Variants in ROBO2 observed in about 807,000 individuals in gnomAD.
ROBO2 encodes the protein roundabout homolog 2.
A neutral mutation model predicts 160.8 loss-of-function variants in ROBO2; 53 were observed. That is an observed-to-expected ratio of 0.33 (90% CI 0.26 to 0.41). ROBO2 has a LOEUF of 0.41. Among genes scored for constraint, ROBO2 ranks in the 10% least tolerant of loss-of-function variants. ROBO2 has a pLI of 1.00. For synonymous variants in ROBO2, 664 were observed against 611.7 expected (o/e 1.09, Z -1.26); for missense variants, 1,577 against 1,722.4 (o/e 0.92, Z 1.49).
intron 2 of ROBO2, among the ~76,000 whole-genome samples, chr3:76,164,769 C>G (rs1001098343): frequency 2.0e-5 from 3 of 152,224 alleles, no homozygotes; most frequent in Admixed American, 6.5e-5. Flanking sequence ...TTTAAGGGCC[C>G]TAGGGTCTTT....
intron 2 of ROBO2, among the ~76,000 whole-genome samples, chr3:76,322,843 T>G (rs774340853): frequency 6.6e-6 from 1 of 152,180 alleles, no homozygotes; most frequent in East Asian, 1.9e-4. Context: ...GCAGATACAT[T>G]TAAAGGCAAT....
chr3:76,806,963 A>T (rs2064775195), intron 2 of ROBO2, among the ~76,000 whole-genome samples: 1 of 152,024 alleles, frequency 6.6e-6, no homozygotes, highest in African/African-American at 2.4e-5. Flanking sequence ...AGTTTTTATG[A>T]TGGATTAATG....
intron 2 of ROBO2, among the ~76,000 whole-genome samples, chr3:77,231,050 G>A (rs1165915685): frequency 1.3e-5 from 2 of 151,706 alleles, no homozygotes; most frequent in Non-Finnish European, 2.9e-5. Context: ...TTAGAACTGG[G>A]ATCTACTTTC....
At chr3:77,522,984 TA>T in intron 6 of ROBO2, 82 bp downstream of exon 6, 1 of 1,510,592 alleles carries the variant, frequency 6.6e-7, no homozygotes, top group East Asian at 2.3e-5. Flanking sequence ...ACGATCAAAA[TA>T]ATGAATTATG....
chr3:77,449,072 G>A (rs987333249), intron 2 of ROBO2, among the ~76,000 whole-genome samples: 9 of 152,000 alleles, frequency 5.9e-5, no homozygotes, highest in Non-Finnish European at 1.2e-4. Flanking sequence ...AGCATACTGA[G>A]TATTCAATTA....
chr3:76,523,937 A>G (rs1331531429), intron 2 of ROBO2, among the ~76,000 whole-genome samples: 1 of 151,876 alleles, frequency 6.6e-6, no homozygotes, highest in African/African-American at 2.4e-5. Context: ...TTTCAAGTGA[A>G]TGAAAATGGG....
chr3:76,676,729 A>T (rs1438793645), intron 2 of ROBO2, among the ~76,000 whole-genome samples: 4 of 152,168 alleles, frequency 2.6e-5, no homozygotes, highest in African/African-American at 9.6e-5. Context: ...TACACATGGA[A>T]ACATGCATAT....
At position 76,744,758 on chromosome 3, in the gene ROBO2, A is replaced by T. The variant is rs185550769; in HGVS notation, c.110-353256A>T. ...GAGTTTTAACATAAACTTAAAAAAA[A>T]TCTACTAAAAACTCAAATTTAAATA... is the stretch of plus-strand genomic sequence containing the variant. On this transcript the variant is annotated intron_variant, in intron 2 of 26. Coordinates refer to the ROBO2 transcript ENST00000487694. 7.4e-3 allele frequency among the ~76,000 whole-genome samples: 992 copies of T among 134,152 alleles called. 6 individuals carry two copies. Among genetic ancestry groups the T allele is most frequent in the Middle Eastern group, 0.025 (7 of 278 alleles). 88.0% of individuals were successfully genotyped at this position (134,152 alleles called of 152,430 possible).
At chr3:77,631,173 C>G (rs977890550) in intron 23 of ROBO2, 3 of 151,790 alleles carry the variant, frequency 2.0e-5, no homozygotes, top group African/African-American at 7.3e-5. Flanking sequence ...TTTTGGCAAC[C>G]AGAATCAAAA....
intron 2 of ROBO2, among the ~76,000 whole-genome samples, chr3:76,155,570 G>A (rs544172557): frequency 6.6e-6 from 1 of 152,172 alleles, no homozygotes; most frequent in Non-Finnish European, 1.5e-5. Flanking sequence ...AACAGGGGCT[G>A]CTTTTGGAGG....
chr3:76,582,593 A>T (rs1185048163), intron 2 of ROBO2, among the ~76,000 whole-genome samples: 1 of 152,206 alleles, frequency 6.6e-6, no homozygotes, highest in Non-Finnish European at 1.5e-5. Flanking sequence ...ATACCAGAAC[A>T]GTTTACTGGA....
At chr3:76,333,431 A>T (rs1209801810) in intron 2 of ROBO2, among the ~76,000 whole-genome samples, 1 of 152,206 alleles carries the variant, frequency 6.6e-6, no homozygotes, top group Non-Finnish European at 1.5e-5. Context: ...CTCTCAGTAA[A>T]TTAAGAAAAA....
intron 2 of ROBO2, among the ~76,000 whole-genome samples, chr3:76,933,606 G>T (rs981490430): frequency 6.6e-6 from 1 of 152,146 alleles, no homozygotes; most frequent in African/African-American, 2.4e-5. Flanking sequence ...AGTCTGCGTT[G>T]TAGCTATGAT....
At chr3:76,159,341 T>C (rs1267310664) in intron 2 of ROBO2, among the ~76,000 whole-genome samples, 1 of 152,172 alleles carries the variant, frequency 6.6e-6, no homozygotes, top group Admixed American at 6.6e-5. Flanking sequence ...AAAGGACAGG[T>C]AGTCACTTCA....
intron 7 of ROBO2, 35 bp from the exon 9 acceptor site, chr3:77,550,783 A>G: frequency 6.2e-7 from 1 of 1,610,662 alleles, no homozygotes; most frequent in Non-Finnish European, 8.5e-7. Context: ...TTAAGTGGAA[A>G]ATGAATATTG....
intron 2 of ROBO2, among the ~76,000 whole-genome samples, chr3:76,946,964 G>A (rs2078591016): frequency 6.6e-6 from 1 of 152,100 alleles, no homozygotes; most frequent in Non-Finnish European, 1.5e-5. Flanking sequence ...CCAATGTCTT[G>A]AAAATCATTC....
intron 2 of ROBO2, among the ~76,000 whole-genome samples, chr3:76,207,689 G>A (rs113160203): frequency 0.025 from 3,750 of 152,200 alleles, 118 homozygotes; most frequent in African/African-American, 0.07. Flanking sequence ...AAAAATCAAT[G>A]GATTAAATAT....
chr3:77,076,596 C>G (rs759718914), intron 1 of ROBO2, among the ~76,000 whole-genome samples: 3 of 151,978 alleles, frequency 2.0e-5, no homozygotes, highest in South Asian at 2.1e-4. Context: ...ATTTCAAACT[C>G]AAATTATATG....
intron 2 of ROBO2, among the ~76,000 whole-genome samples, chr3:76,124,415 T>C (rs1359784685): frequency 6.6e-6 from 1 of 152,100 alleles, no homozygotes; most frequent in African/African-American, 2.4e-5. Context: ...ACAATTGTTA[T>C]GGTGAGATTG....
Sources: allele counts gnomAD v4.1 joint callset (sites outside exome capture counted in the v4.1 genomes callset), GRCh38; gene constraint gnomAD v4.1.1; transcripts MANE v1.5; gene names NCBI Gene and HGNC (gene_info 2026-07-23, HGNC 2026-07-21).